RBMS1: variants seen among roughly 807,000 people sequenced by gnomAD.
RBMS1 encodes RNA binding motif single stranded interacting protein 1.
RBMS1 carries 17 observed loss-of-function variants against 62.3 expected under a neutral mutation model. The observed-to-expected ratio is 0.27, with a 90% CI of 0.19 to 0.41. The LOEUF (loss-of-function observed/expected upper bound fraction) is 0.41. Ranked by LOEUF, RBMS1 falls within the 10% of genes least tolerant of loss-of-function variation. RBMS1 has a pLI of 1.00. For synonymous variants in RBMS1, 172 were observed against 170.0 expected (o/e 1.01, Z -0.09); for missense variants, 334 against 504.5 (o/e 0.66, Z 3.24).
intron 1 of RBMS1, among the ~76,000 whole-genome samples, chr2:160,396,847 G>A (rs1198896829): frequency 6.6e-6 from 1 of 152,174 alleles, no homozygotes; most frequent in Non-Finnish European, 1.5e-5. Context: ...ACAGGCGTGA[G>A]CCACCGCGCC....
intron 1 of RBMS1, among the ~76,000 whole-genome samples, chr2:160,391,692 G>A (rs970964395): frequency 6.6e-6 from 1 of 152,182 alleles, no homozygotes; most frequent in African/African-American, 2.4e-5. Context: ...AATAACCAAT[G>A]TAGGGCTGGG....
chr2:160,280,777 A>T (rs1449450739), intron 10 of RBMS1, among the ~76,000 whole-genome samples: 1 of 150,630 alleles, frequency 6.6e-6, no homozygotes, highest in Non-Finnish European at 1.5e-5. Context: ...TTTGAAAAAC[A>T]CATGAAATAC....
At chr2:160,374,053 A>C (rs944842350) in intron 1 of RBMS1, among the ~76,000 whole-genome samples, 1 of 152,126 alleles carries the variant, frequency 6.6e-6, no homozygotes, top group Non-Finnish European at 1.5e-5. Flanking sequence ...TGGGAGGATC[A>C]CTTGAGCCCA....
At chr2:160,322,507 T>C (rs1046241881) in intron 2 of RBMS1, among the ~76,000 whole-genome samples, 1 of 152,238 alleles carries the variant, frequency 6.6e-6, no homozygotes, top group African/African-American at 2.4e-5. Context: ...CTTTCTATTG[T>C]GGTTTTCCTT....
chr2:160,390,556 T>C (rs1176564364), intron 1 of RBMS1, among the ~76,000 whole-genome samples: 1 of 151,522 alleles, frequency 6.6e-6, no homozygotes, highest in Non-Finnish European at 1.5e-5. Flanking sequence ...ATTAGCCGAG[T>C]GTGGTGGCAC....
intron 1 of RBMS1, among the ~76,000 whole-genome samples, chr2:160,406,445 C>A (rs911980996): frequency 1.3e-5 from 2 of 152,198 alleles, no homozygotes; most frequent in Admixed American, 1.3e-4. Flanking sequence ...GGCTACAGTT[C>A]GCTTGCATCC....
At chr2:160,432,552 A>T (rs138461326) in intron 1 of RBMS1, 1 of 152,324 alleles carries the variant, frequency 6.6e-6, no homozygotes, top group East Asian at 1.9e-4. Flanking sequence ...ACATTTTGAC[A>T]ATAAACTATT....
intron 4 of RBMS1, among the ~76,000 whole-genome samples, chr2:160,311,494 A>C (rs183249216): frequency 9.9e-5 from 15 of 152,094 alleles, no homozygotes; most frequent in Admixed American, 8.5e-4. Context: ...CGCTTACCAG[A>C]GTCCTTTAAC....
At chr2:160,385,270 G>T (rs1020939489) in intron 1 of RBMS1, among the ~76,000 whole-genome samples, 5 of 152,146 alleles carry the variant, frequency 3.3e-5, no homozygotes, top group African/African-American at 9.7e-5. Flanking sequence ...CACATGACCA[G>T]TTCTAACCTT....
intron 6 of RBMS1, among the ~76,000 whole-genome samples, chr2:160,296,198 C>T (rs1481713592): frequency 6.6e-6 from 1 of 151,914 alleles, no homozygotes; most frequent in Admixed American, 6.5e-5. Flanking sequence ...TTTTTTTCAA[C>T]TCTACTGATG....
chr2:160,489,081 C>T (rs992341533), intron 1 of RBMS1, among the ~76,000 whole-genome samples: 1 of 152,126 alleles, frequency 6.6e-6, no homozygotes, highest in East Asian at 1.9e-4. Flanking sequence ...TTTTCCTTTT[C>T]CCTTCAAGGA....
At chr2:160,416,199 A>G (rs777564043) in intron 1 of RBMS1, 1 of 151,096 alleles carries the variant, frequency 6.6e-6, no homozygotes, top group Non-Finnish European at 1.5e-5. Flanking sequence ...CGATGTTGCC[A>G]TGACAATGTG....
intron 1 of RBMS1, among the ~76,000 whole-genome samples, chr2:160,427,395 A>C (rs1448013676): frequency 2.6e-5 from 4 of 152,152 alleles, no homozygotes; most frequent in African/African-American, 9.7e-5. Context: ...GCAATAAATA[A>C]ATGAGTGAAT....
chr2:160,464,535 T>G (rs1475412224), intron 1 of RBMS1, among the ~76,000 whole-genome samples: 5 of 152,222 alleles, frequency 3.3e-5, no homozygotes, highest in Non-Finnish European at 7.3e-5. Flanking sequence ...CAGGCAATAT[T>G]TTCTTTTATT....
intron 7 of RBMS1, among the ~76,000 whole-genome samples, chr2:160,286,122 A>C (rs1368867456): frequency 6.6e-6 from 1 of 151,768 alleles, no homozygotes; most frequent in Non-Finnish European, 1.5e-5. Flanking sequence ...AAAATAAAAA[A>C]TAAATAAAAA....
intron 2 of RBMS1, among the ~76,000 whole-genome samples, chr2:160,355,038 A>C (rs1484633391): frequency 6.6e-6 from 1 of 152,150 alleles, no homozygotes; most frequent in Non-Finnish European, 1.5e-5. Flanking sequence ...CTCCAGTTTG[A>C]AGTCAAACAA....
intron 6 of RBMS1, among the ~76,000 whole-genome samples, chr2:160,291,085 G>A (rs1308805049): frequency 6.6e-6 from 1 of 152,194 alleles, no homozygotes; most frequent in Non-Finnish European, 1.5e-5. Context: ...CTCATGATGA[G>A]ATCTGCAAGT....
chr2:160,460,440 A>C (rs1684409900), intron 1 of RBMS1, among the ~76,000 whole-genome samples: 1 of 152,232 alleles, frequency 6.6e-6, no homozygotes, highest in African/African-American at 2.4e-5. Context: ...TTTGCAGATA[A>C]GGACACTGTG....
intron 1 of RBMS1, among the ~76,000 whole-genome samples, chr2:160,464,482 A>G (rs776392057): frequency 2.0e-5 from 3 of 152,236 alleles, no homozygotes; most frequent in Non-Finnish European, 4.4e-5. Flanking sequence ...TATTAAGAGT[A>G]GACTTGAAAT....
Sources: gnomAD v4.1 joint callset for allele counts (sites outside exome capture counted in the v4.1 genomes callset) on GRCh38, gnomAD v4.1.1 for gene constraint, MANE v1.5 for transcripts, NCBI Gene and HGNC (gene_info 2026-07-23, HGNC 2026-07-21) for gene names.